NCS1: variants seen among roughly 807,000 people sequenced by gnomAD.
The protein encoded by NCS1 is neuronal calcium sensor 1.
A neutral mutation model predicts 28.4 loss-of-function variants in NCS1; 6 were observed. The ratio of observed to expected loss-of-function variants is 0.21; its 90% confidence interval spans 0.12 to 0.42. NCS1 has a LOEUF of 0.42. Among genes scored for constraint, NCS1 ranks in the 10% least tolerant of loss-of-function variants. The pLI is 1.00. For synonymous variants in NCS1, 86 were observed against 99.3 expected (o/e 0.87, Z 0.79); for missense variants, 131 against 241.4 (o/e 0.54, Z 3.03).
intron 1 of NCS1, among the ~76,000 whole-genome samples, chr9:130,182,208 G>A (rs1832668936): frequency 6.6e-6 from 1 of 152,182 alleles, no homozygotes; most frequent in Non-Finnish European, 1.5e-5. Flanking sequence ...CAAGTTCAGG[G>A]ACACGCCCAA....
chr9:130,196,151 G>T (rs1040583288), intron 1 of NCS1, among the ~76,000 whole-genome samples: 1 of 152,200 alleles, frequency 6.6e-6, no homozygotes, highest in Non-Finnish European at 1.5e-5. Flanking sequence ...GGCGGGAACT[G>T]CTGGGGGCAC....
Position 130,217,833 on chromosome 9 carries a change from T to C in NCS1, c.91T>C (p.Tyr31His). The C allele has an allele frequency of 6.2e-7, 1 of 1,614,066 alleles. No homozygotes were observed. The highest frequency in any genetic ancestry group is 8.5e-7 in the Non-Finnish European group (1 of 1,180,022). The change falls in exon 3 of 8, where the codon TAC becomes CAC. Residue 31 changes from tyrosine (Y) to histidine (H), a missense_variant and splice_region_variant. Transcript: ENST00000372398. The part of the protein sequence containing the change: ...YFTEKEVQQW[Y>H]KGFIKDCPSG... ...TCTGGCCCGGTCTGCTGCCTCCAGG[T>C]ACAAAGGCTTCATCAAGGACTGCCC...
rs1832656342 is a variant in NCS1 at position 130,181,631 on chromosome 9, G to A, written c.64+8904G>A. Among the ~76,000 whole-genome samples, 2 of 152,176 alleles carry A rather than the reference G, an allele frequency of 1.3e-5. No individual in the cohort carries two copies. Among genetic ancestry groups the A allele is most frequent in the Admixed American group, 6.5e-5 (1 of 15,276 alleles). ...CCCGTCCCCTCTCAGCCTGGAGTCTGCACACTGAAGCCCTGGGCCGCGGTG... is the reference window on the plus strand; with the variant it reads ...CCCGTCCCCTCTCAGCCTGGAGTCTACACACTGAAGCCCTGGGCCGCGGTG... On this transcript the variant is annotated intron_variant, in intron 1 of 7. Transcript: ENST00000372398. This position sits in a 1 kb window ranked among gnomAD's most constrained non-coding sequence, Gnocchi z 5.0.
chr9:130,203,335 T>C (rs1255086431), intron 2 of NCS1, among the ~76,000 whole-genome samples: 8 of 152,006 alleles, frequency 5.3e-5, no homozygotes, highest in Non-Finnish European at 1.0e-4. Flanking sequence ...AGGCTGGTCT[T>C]GAACTCCTGG....
Position 130,223,063 on chromosome 9 carries a change from G to A in NCS1, c.397-19G>A, listed in dbSNP as rs781827667. ...GCCCAGAGTGCCAGGGCCCACCCCCGCCTTGTCCGTCCCTGCAGGGGAATA... is the reference window on the plus strand; with the variant it reads ...GCCCAGAGTGCCAGGGCCCACCCCCACCTTGTCCGTCCCTGCAGGGGAATA... On this transcript the variant is annotated intron_variant, in intron 5 of 7. Transcript: ENST00000372398. 112 of 1,610,524 alleles carry A rather than the reference G, an allele frequency of 7.0e-5. No homozygotes were observed. Among genetic ancestry groups the A allele is most frequent in the Non-Finnish European group, 4.3e-5 (51 of 1,177,216 alleles).
chr9:130,194,155 G>A (rs1480236818), intron 1 of NCS1, among the ~76,000 whole-genome samples: 4 of 152,232 alleles, frequency 2.6e-5, no homozygotes, highest in African/African-American at 7.2e-5. Flanking sequence ...CTCCCACCAT[G>A]TTTGAGCTGA....
intron 7 of NCS1, among the ~76,000 whole-genome samples, chr9:130,228,525 T>A (rs1468795271): frequency 6.6e-6 from 1 of 151,266 alleles, no homozygotes; most frequent in East Asian, 2.0e-4. Flanking sequence ...CACCCAGCCA[T>A]AGATTGGTTT....
At chr9:130,194,226 C>G (rs954098190) in intron 1 of NCS1, among the ~76,000 whole-genome samples, 5 of 151,488 alleles carry the variant, frequency 3.3e-5, no homozygotes, top group African/African-American at 1.2e-4. Context: ...TAACATCCTC[C>G]TGGGCTCCTG....
chr9:130,196,334 C>T (rs1354477671), intron 1 of NCS1, among the ~76,000 whole-genome samples: 14 of 152,348 alleles, frequency 9.2e-5, no homozygotes, highest in Non-Finnish European at 1.2e-4. Flanking sequence ...CTCGAGTCCC[C>T]GGCTCTGCTG....
At chr9:130,200,628 G>A in intron 1 of NCS1, 5 of 1,551,816 alleles carry the variant, frequency 3.2e-6, no homozygotes, top group Non-Finnish European at 3.5e-6. Flanking sequence ...CTTAGATGTT[G>A]GCCTGGGAGC....
chr9:130,226,849 AC>A lies in NCS1; in HGVS notation c.*17+349del, dbSNP rs1375167402. ...AGACCAGCCTGACCAACATGGTGAA[AC>A]CCCGTCTCTACTAAAAATACAAAAA... On this transcript the variant is annotated intron_variant, in intron 7 of 7. Transcript: ENST00000372398. This position sits in a 1 kb window ranked among gnomAD's most constrained non-coding sequence, Gnocchi z 4.8. Among the ~76,000 whole-genome samples the A allele has an allele frequency of 4.0e-5, 6 of 151,810 alleles. No individual in the cohort carries two copies. The highest frequency in any genetic ancestry group is 1.5e-4 in the African/African-American group (6 of 41,334).
In NCS1 at chr9:130,192,584, G is replaced by A. The variant is rs1376715273; in HGVS notation, c.65-8374G>A. Among the ~76,000 whole-genome samples the A allele has an allele frequency of 7.2e-5, 11 of 152,118 alleles. No individual in the cohort carries two copies. The highest frequency in any genetic ancestry group is 1.5e-4 in the Non-Finnish European group (10 of 68,014). ...TCGTGGGACAGAGAGGGGAGGGTGC[G>A]TGGCCACGTTCACACATTGGGTCAG... On this transcript the variant is annotated intron_variant, in intron 1 of 7. Coordinates refer to ENST00000372398, the MANE Select transcript of NCS1 (RefSeq NM_014286.4). This position sits in a 1 kb window ranked among gnomAD's most constrained non-coding sequence, Gnocchi z 4.8.
chr9:130,222,663 C>T lies in NCS1; in HGVS notation c.321C>T (p.Leu107=), dbSNP rs1833348892. The T allele has an allele frequency of 6.2e-7, 1 of 1,613,914 alleles. No individual in the cohort carries two copies. Among genetic ancestry groups the T allele is most frequent in the African/African-American group, 1.3e-5 (1 of 74,906 alleles). The part of the protein sequence containing the change: ...LDEKLRWAFK[L]YDLDNDGYIT... Reference sequence around the variant, plus strand: ...GCTTGCTTACAGGGGCCTTCAAGCTCTACGACTTGGACAATGATGGCTACA... The same window carrying T: ...GCTTGCTTACAGGGGCCTTCAAGCTTTACGACTTGGACAATGATGGCTACA... Residue 107 remains leucine (L), a synonymous_variant, in exon 5 of 8, where the codon CTC becomes CTT. Transcript: ENST00000372398.
intron 1 of NCS1, among the ~76,000 whole-genome samples, chr9:130,199,172 C>T (rs914111971): frequency 3.3e-5 from 5 of 151,828 alleles, no homozygotes; most frequent in Admixed American, 6.6e-5. Flanking sequence ...TGGCTCACTG[C>T]AACCTCCGCC....
chr9:130,173,203 G>GA (rs1330491839), intron 1 of NCS1, among the ~76,000 whole-genome samples: 6 of 151,592 alleles, frequency 4.0e-5, no homozygotes, highest in African/African-American at 9.7e-5. Flanking sequence ...TTCGTGTGGG[G>GA]GGGGGGGTGG....
chr9:130,180,038 TC>T lies in NCS1; in HGVS notation c.64+7312del, dbSNP rs1554905014. On this transcript the variant is annotated intron_variant, in intron 1 of 7. Coordinates refer to ENST00000372398, the MANE Select transcript of NCS1 (RefSeq NM_014286.4). This position sits in a 1 kb window ranked among gnomAD's most constrained non-coding sequence, Gnocchi z 4.5. ...ATCTATCTATCTATCTATCTATCTATCTATCTATCTATCGAGATGGAATCTC... is the reference window on the plus strand; with the variant it reads ...ATCTATCTATCTATCTATCTATCTATTATCTATCTATCGAGATGGAATCTC... 1.6e-4 allele frequency among the ~76,000 whole-genome samples: 23 copies of T among 144,898 alleles called. No individual in the cohort carries two copies. Among genetic ancestry groups the T allele is most frequent in the African/African-American group, 4.8e-4 (18 of 37,722 alleles).
chr9:130,216,221 G>A (rs568292012), intron 2 of NCS1, among the ~76,000 whole-genome samples: 1 of 152,312 alleles, frequency 6.6e-6, no homozygotes, highest in Admixed American at 6.5e-5. Context: ...AACCCTCTCC[G>A]ATGTTCGAGG....
In NCS1 at chr9:130,200,859, G is replaced by A. The variant is rs562161815; in HGVS notation, c.65-99G>A. The A allele has an allele frequency of 2.8e-4, 432 of 1,534,856 alleles. 4 individuals are homozygous for A. The African/African-American group carries it at 5.4e-3, about 19-fold the overall frequency. On this transcript the variant is annotated intron_variant, in intron 1 of 7. Transcript: ENST00000372398. ...CGTTGCCCGGGGACATGGCCGTGGGGAGGGGAGGGCTGGAGGGGAGGCCCC... is the reference window on the plus strand; with the variant it reads ...CGTTGCCCGGGGACATGGCCGTGGGAAGGGGAGGGCTGGAGGGGAGGCCCC...
intron 2 of NCS1, among the ~76,000 whole-genome samples, chr9:130,214,148 A>G (rs1360418138): frequency 1.3e-5 from 2 of 152,218 alleles, no homozygotes; most frequent in African/African-American, 4.8e-5. Flanking sequence ...ACTGGCGTGG[A>G]GGCACATATG....
Sources: allele counts gnomAD v4.1 joint callset (sites outside exome capture counted in the v4.1 genomes callset), GRCh38; gene constraint gnomAD v4.1.1; non-coding constraint Gnocchi (gnomAD v3.1); transcripts MANE v1.5; gene names NCBI Gene and HGNC (gene_info 2026-07-23, HGNC 2026-07-21).